MYH10: variants seen among roughly 807,000 people sequenced by gnomAD.
The protein encoded by MYH10 is myosin heavy chain 10.
Under a neutral mutation model 257.8 loss-of-function variants are expected in MYH10, and 55 were observed. The observed-to-expected ratio is 0.21, with a 90% confidence interval of 0.17 to 0.27. MYH10 has a LOEUF of 0.27. Among genes scored for constraint, MYH10 ranks in the 10% least tolerant of loss-of-function variants. The pLI is 1.00. For synonymous variants in MYH10, 854 were observed against 921.7 expected (o/e 0.93, Z 1.33); for missense variants, 1,631 against 2,500.6 (o/e 0.65, Z 7.42).
intron 28 of MYH10, among the ~76,000 whole-genome samples, chr17:8,503,168 A>T (rs1237638510): frequency 6.6e-6 from 1 of 152,196 alleles, no homozygotes. Context: ...CTGTAATCCC[A>T]GCTACTCGGG....
chr17:8,496,229 G>A (rs752273704), intron 30 of MYH10, among the ~76,000 whole-genome samples: 14 of 152,358 alleles, frequency 9.2e-5, no homozygotes, highest in African/African-American at 2.2e-4. Context: ...GCAGCAGGGC[G>A]CCGTGCGTTC....
Position 8,500,847 on chromosome 17 carries a change from C to A in MYH10, c.3723G>T (p.Glu1241Asp). The change falls in exon 29 of 43, where the codon GAG (glutamate) becomes GAT (aspartate). Residue 1241 changes from glutamate to aspartate, a missense_variant. By Grantham distance (45) the Glu-to-Asp change is conservative. Coordinates refer to ENST00000360416, the MANE Select transcript of MYH10 (RefSeq NM_001256012.3). ...TTACCCGCTTGGCCTGTTCCAGCTG[C>A]TCTGAGAGCTCCTCCAGGGCTGTTG... ...RHATALEELS[E>D]QLEQAKRFKA... is the part of the protein sequence containing the mutation. 1 of 1,613,588 alleles carries A rather than the reference C, an allele frequency of 6.2e-7. No individual in the cohort carries two copies. Among genetic ancestry groups the A allele is most frequent in the Non-Finnish European group, 8.5e-7 (1 of 1,180,008 alleles).
At chr17:8,616,101 T>C (rs2085251076) in intron 2 of MYH10, among the ~76,000 whole-genome samples, 2 of 152,142 alleles carry the variant, frequency 1.3e-5, no homozygotes, top group Non-Finnish European at 2.9e-5. Flanking sequence ...CTGGGCAACA[T>C]GGCGAAACCC....
At chr17:8,511,048 AT>A (rs2081266734) in intron 24 of MYH10, 5 of 114,382 alleles carry the variant, frequency 4.4e-5, no homozygotes, top group African/African-American at 1.7e-4. Flanking sequence ...ATATATATAT[AT>A]ATATATATAT....
chr17:8,613,358 ATC>A (rs1597979156), intron 2 of MYH10, among the ~76,000 whole-genome samples: 2 of 152,338 alleles, frequency 1.3e-5, no homozygotes, highest in East Asian at 3.9e-4. Context: ...CTAAATGAAT[ATC>A]GACAGTATTA....
In MYH10 at chr17:8,474,584, A is replaced by ACTT. The variant is rs1404586055; in HGVS notation, c.*1219_*1220insAAG. 2.2e-4 allele frequency: 33 copies of ACTT among 152,674 alleles called. No individual in the cohort carries two copies. Among genetic ancestry groups the ACTT allele is most frequent in the African/African-American group, 8.0e-4 (33 of 41,462 alleles). 9.5% of individuals were successfully genotyped at this position (152,674 alleles called of 1,614,324 possible). The stretch of plus-strand genomic sequence containing the variant: ...AATACCACTTTGACTAGAGAGGTAC[A>ACTT]TGATATGAAGCACAGTCAAAACTGA... On this transcript the variant is annotated 3_prime_UTR_variant, in exon 43 of 43. Coordinates refer to ENST00000360416, the MANE Select transcript of MYH10 (RefSeq NM_001256012.3).
At chr17:8,532,366 G>T (rs1214987065) in intron 16 of MYH10, among the ~76,000 whole-genome samples, 1 of 152,216 alleles carries the variant, frequency 6.6e-6, no homozygotes, top group African/African-American at 2.4e-5. Context: ...GATGAATGGG[G>T]CTCACACCAG....
intron 28 of MYH10, among the ~76,000 whole-genome samples, chr17:8,503,914 A>AG (rs1335091657): frequency 6.6e-6 from 1 of 152,016 alleles, no homozygotes; most frequent in Non-Finnish European, 1.5e-5. Flanking sequence ...TGGCAGTGTG[A>AG]GTCTGGGAGG....
rs748110206 is a variant in MYH10 at position 8,487,562 on chromosome 17, C to G, written c.4917G>C (p.Glu1639Asp). ...CTACAGCAAGCGCCCGCTGTTTCCT[C>G]TCATCCTCCAGCTCCGCCTCGAGCT... Reference protein sequence around the residue: ...VRELEAELEDERKQRALAVAS... With the variant: ...VRELEAELEDDRKQRALAVAS... Residue 1639 changes from glutamate to aspartate, a missense_variant, in exon 36 of 43, where the codon GAG (glutamate) becomes GAC (aspartate). By Grantham distance (45) the Glu-to-Asp change is conservative. Transcript: ENST00000360416. 1 of 1,614,220 alleles carries G rather than the reference C, an allele frequency of 6.2e-7. No homozygotes were observed. The highest frequency in any genetic ancestry group is 2.2e-5 in the East Asian group (1 of 44,884).
At chr17:8,523,207 A>G (rs527845564) in intron 17 of MYH10, among the ~76,000 whole-genome samples, 1 of 151,976 alleles carries the variant, frequency 6.6e-6, no homozygotes, top group East Asian at 1.9e-4. Context: ...TCTACTCTCC[A>G]CTCAGATGTC....
At chr17:8,613,170 C>T (rs1021001080) in intron 2 of MYH10, among the ~76,000 whole-genome samples, 6 of 152,018 alleles carry the variant, frequency 3.9e-5, no homozygotes, top group African/African-American at 1.2e-4. Context: ...AGGCAGAACC[C>T]GATGCAATGG....
chr17:8,522,230 T>C (rs1044899541), intron 17 of MYH10, among the ~76,000 whole-genome samples: 1 of 152,234 alleles, frequency 6.6e-6, no homozygotes, highest in Non-Finnish European at 1.5e-5. Context: ...ATTTCTTTCA[T>C]TTGTTTCCTT....
chr17:8,509,466 G>A (rs962205386), intron 25 of MYH10, among the ~76,000 whole-genome samples: 7 of 152,180 alleles, frequency 4.6e-5, no homozygotes, highest in African/African-American at 1.2e-4. Flanking sequence ...TGCCCACCCC[G>A]GGAGCTTGGC....
Position 8,506,489 on chromosome 17 carries a change from T to A in MYH10, c.3215A>T (p.Glu1072Val). ...KQEVMISDLE[E>V]RLKKEEKTRQ... ...AGTCTTTTCTTCCTTCTTTAAGCGT[T>A]CTTTAAGGTAAGACATAAGAAGCTC... is the stretch of plus-strand genomic sequence containing the variant. Residue 1072 changes from glutamate (E) to valine (V), a missense_variant and splice_region_variant, in exon 27 of 43, where the codon GAA (glutamate) becomes GTA (valine). Glu to Val is a moderately radical substitution (Grantham distance 121). Coordinates refer to ENST00000360416, the MANE Select transcript of MYH10 (RefSeq NM_001256012.3). The surrounding 1 kb of genome is among the most constrained non-coding windows in gnomAD (Gnocchi z 5.0). 6.2e-7 allele frequency: 1 copy of A among 1,611,082 alleles called. No individual in the cohort carries two copies. The highest frequency in any genetic ancestry group is 8.5e-7 in the Non-Finnish European group (1 of 1,179,314).
At chr17:8,595,587 C>T (rs2084336321) in intron 3 of MYH10, among the ~76,000 whole-genome samples, 1 of 152,012 alleles carries the variant, frequency 6.6e-6, no homozygotes, top group African/African-American at 2.4e-5. Flanking sequence ...AATTCGCCAC[C>T]ACACCCGGCT....
intron 13 of MYH10, 87 bp from the exon 14 acceptor site, chr17:8,542,367 T>C: frequency 8.5e-7 from 1 of 1,172,424 alleles, no homozygotes; most frequent in Non-Finnish European, 1.2e-6. Flanking sequence ...AAAAAATTTT[T>C]CATTAAACAT....
chr17:8,547,517 ATT>A (rs2082482164), intron 11 of MYH10, among the ~76,000 whole-genome samples: 1 of 151,950 alleles, frequency 6.6e-6, no homozygotes, highest in Non-Finnish European at 1.5e-5. Flanking sequence ...ACAGAATTAA[ATT>A]GTTATCAAGC....
At chr17:8,508,822 G>T in intron 25 of MYH10, 145 bp from the exon 26 acceptor site, 2 of 841,780 alleles carry the variant, frequency 2.4e-6, no homozygotes, top group Non-Finnish European at 3.6e-6. Flanking sequence ...ACAATCACAT[G>T]CTGCAGAACG....
intron 14 of MYH10, among the ~76,000 whole-genome samples, chr17:8,541,611 C>A (rs1326957557): frequency 6.6e-6 from 1 of 150,986 alleles, no homozygotes; most frequent in Non-Finnish European, 1.5e-5. Context: ...TCTAAGATTG[C>A]CACTAAAAAT....
Sources: allele counts gnomAD v4.1 joint callset (sites outside exome capture counted in the v4.1 genomes callset), GRCh38; gene constraint gnomAD v4.1.1; non-coding constraint Gnocchi (gnomAD v3.1); transcripts MANE v1.5; gene names NCBI Gene and HGNC (gene_info 2026-07-23, HGNC 2026-07-21).